Variants in CDH23 observed in about 807,000 individuals in gnomAD.
CDH23 encodes the protein cadherin related 23.
CDH23 carries 189 observed loss-of-function variants against 317.1 expected under a neutral mutation model. The ratio of observed to expected loss-of-function variants is 0.60; its 90% CI spans 0.53 to 0.67. The LOEUF is 0.67. Among genes scored for constraint, CDH23 ranks in the 30% least tolerant of loss-of-function variants. CDH23 has a pLI of 0.00. For synonymous variants in CDH23, 1,839 were observed against 1,876.8 expected (o/e 0.98, Z 0.52); for missense variants, 4,401 against 4,592.4 (o/e 0.96, Z 1.20).
intron 53 of CDH23, among the ~76,000 whole-genome samples, chr10:71,801,200 G>A (rs979252813): frequency 2.7e-4 from 34 of 127,328 alleles, no homozygotes; most frequent in African/African-American, 9.8e-4. Flanking sequence ...TTGTTGCCCA[G>A]GCTGGAGTGC....
intron 60 of CDH23, among the ~76,000 whole-genome samples, chr10:71,808,267 C>T (rs764803450): frequency 6.6e-6 from 1 of 152,236 alleles, no homozygotes; most frequent in Non-Finnish European, 1.5e-5. Flanking sequence ...GTTATCCGTC[C>T]ATCCATGTAT....
At chr10:71,446,532 G>T in intron 3 of CDH23, 137 bp downstream of exon 3, 1 of 791,558 alleles carries the variant, frequency 1.3e-6, no homozygotes, top group Non-Finnish European at 2.1e-6. Flanking sequence ...AAAGGCCCCT[G>T]CTAGGATGCC....
chr10:71,815,145 C>T lies in CDH23; in HGVS notation c.9932C>T (p.Ser3311Leu), dbSNP rs754146004. ...GAAGACCAGAAGGGCCTGGGCCGCT[C>T]GCTGGAGACGCTGACCGCTGCCGAG... ...PEEDQKGLGRSLETLTAAEAT... is the reference protein window; with the variant it reads ...PEEDQKGLGRLLETLTAAEAT... The change falls in exon 70 of 70, where the codon TCG becomes TTG. Residue 3311 changes from serine (S) to leucine (L), a missense_variant. Physicochemically the swap from Ser to Leu is moderately radical, Grantham distance 145 (BLOSUM62 -2). This residue lies in a region of CDH23 where 1,144 missense variants were observed against 1,138.2 expected (regional missense o/e 1.01). Coordinates refer to ENST00000224721, the MANE Select transcript of CDH23 (RefSeq NM_022124.6). 38 of 1,611,004 alleles carry T rather than the reference C, an allele frequency of 2.4e-5. No homozygotes were observed. Among genetic ancestry groups the T allele is most frequent in the African/African-American group, 4.0e-5 (3 of 74,898 alleles).
chr10:71,640,762 A>T (rs1862507760), intron 11 of CDH23, among the ~76,000 whole-genome samples: 1 of 152,130 alleles, frequency 6.6e-6, no homozygotes, highest in South Asian at 2.1e-4. Context: ...TGAAAAAAAA[A>T]GAAAAAGAAA....
At position 71,704,073 on chromosome 10, in the gene CDH23, G is replaced by A. The variant is rs925792274; in HGVS notation, c.2734-838G>A. On this transcript the variant is annotated intron_variant, in intron 24 of 69. Transcript: ENST00000224721. ...CGTTCTCCAGGGGGTAGAGCTGTGC[G>A]CAAGTAAAGTAAAAGTACTGAGCCC... Among the ~76,000 whole-genome samples the A allele has an allele frequency of 5.3e-5, 8 of 152,280 alleles. No homozygotes were observed. In the East Asian group the frequency reaches 5.8e-4, roughly 11 times the overall value.
At chr10:71,444,641 G>A (rs1300508247) in intron 2 of CDH23, among the ~76,000 whole-genome samples, 5 of 152,218 alleles carry the variant, frequency 3.3e-5, no homozygotes, top group African/African-American at 4.8e-5. Flanking sequence ...TGAGCACATC[G>A]AGGTGGGGAG....
At chr10:71,578,263 C>T (rs151177794) in intron 9 of CDH23, among the ~76,000 whole-genome samples, 1 of 152,284 alleles carries the variant, frequency 6.6e-6, no homozygotes, top group African/African-American at 2.4e-5. Flanking sequence ...GGCGCGTGTG[C>T]CGCTGTCCAA....
At chr10:71,602,238 C>T (rs910071002) in intron 9 of CDH23, among the ~76,000 whole-genome samples, 1 of 152,116 alleles carries the variant, frequency 6.6e-6, no homozygotes, top group African/African-American at 2.4e-5. Flanking sequence ...AGGGCAGGGG[C>T]AGCCGTGGCA....
chr10:71,556,790 C>T (rs185767017), intron 6 of CDH23, among the ~76,000 whole-genome samples: 1 of 152,298 alleles, frequency 6.6e-6, no homozygotes, highest in Admixed American at 6.5e-5. Context: ...CATAGAGAAC[C>T]TCATTCAATT....
intron 48 of CDH23, chr10:71,796,146 G>T (rs1841396728): frequency 1.0e-6 from 1 of 960,362 alleles, no homozygotes; most frequent in Non-Finnish European, 1.2e-6. Context: ...TCTGCCAAGG[G>T]GGAAGGGAAT....
chr10:71,488,986 C>T (rs964297652), intron 3 of CDH23, among the ~76,000 whole-genome samples: 2 of 152,168 alleles, frequency 1.3e-5, no homozygotes, highest in Non-Finnish European at 2.9e-5. Flanking sequence ...TGAAGGTAGT[C>T]TGTTTTTCTT....
chr10:71,672,644 C>T (rs1864195814), intron 14 of CDH23, among the ~76,000 whole-genome samples: 1 of 152,172 alleles, frequency 6.6e-6, no homozygotes, highest in Admixed American at 6.5e-5. Context: ...ATGGCTGTGC[C>T]CAGTCCAACG....
intron 40 of CDH23, 147 bp downstream of exon 40, chr10:71,778,455 A>C: frequency 1.0e-4 from 112 of 1,088,628 alleles, no homozygotes; most frequent in South Asian, 1.4e-4. Flanking sequence ...TCAGCAACTC[A>C]CTCAAACTTG....
rs762876228 is a variant in CDH23 at position 71,446,414 on chromosome 10, T to C, written c.145+19T>C. 1.6e-5 allele frequency: 25 copies of C among 1,612,806 alleles called. No individual in the cohort carries two copies. The highest frequency in any genetic ancestry group is 2.0e-5 in the Non-Finnish European group (24 of 1,178,804). On this transcript the variant is annotated intron_variant, in intron 3 of 69. Coordinates refer to ENST00000224721, the MANE Select transcript of CDH23 (RefSeq NM_022124.6). ...CCTGTGGGTGAGTGGGGGCATGGGCTGGTGGGCGTGCAGATGGCCTGGGGT... is the reference window on the plus strand; with the variant it reads ...CCTGTGGGTGAGTGGGGGCATGGGCCGGTGGGCGTGCAGATGGCCTGGGGT...
intron 1 of CDH23, among the ~76,000 whole-genome samples, chr10:71,421,003 T>C (rs1472906071): frequency 6.6e-6 from 1 of 152,204 alleles, no homozygotes; most frequent in Non-Finnish European, 1.5e-5. Flanking sequence ...AATAGCTTTG[T>C]TCCTTTCCCC....
intron 6 of CDH23, among the ~76,000 whole-genome samples, chr10:71,527,217 G>A (rs1465880210): frequency 3.9e-5 from 6 of 152,234 alleles, no homozygotes; most frequent in African/African-American, 1.4e-4. Flanking sequence ...TCCCGCCCCT[G>A]CACAGGGCAC....
At chr10:71,472,488 G>A (rs1851569376) in intron 3 of CDH23, among the ~76,000 whole-genome samples, 1 of 152,160 alleles carries the variant, frequency 6.6e-6, no homozygotes. Flanking sequence ...CTTCTTTCTG[G>A]TTGGACCCTC....
chr10:71,407,502 A>G (rs959665507), intron 1 of CDH23, among the ~76,000 whole-genome samples: 7 of 152,182 alleles, frequency 4.6e-5, no homozygotes. Flanking sequence ...AAGGCCATGT[A>G]TGTCAGGGTC....
chr10:71,813,178 G>A, intron 68 of CDH23, 66 bp from the exon 69 acceptor site: 3 of 1,429,190 alleles, frequency 2.1e-6, no homozygotes, highest in South Asian at 1.2e-5. Context: ...CTCCCAGAGG[G>A]AGTGGGCGAG....
Sources: gnomAD v4.1 joint callset for allele counts (sites outside exome capture counted in the v4.1 genomes callset) on GRCh38, gnomAD v4.1.1 for gene constraint, gnomAD v4.1.1 regional missense constraint, MANE v1.5 for transcripts, NCBI Gene and HGNC (gene_info 2026-07-23, HGNC 2026-07-21) for gene names.